Variants in LDB2 observed in about 807,000 individuals in gnomAD.
The protein encoded by LDB2 is LIM domain-binding protein 2.
LDB2 carries 12 observed loss-of-function variants against 44.3 expected under a neutral mutation model. The observed-to-expected ratio is 0.27, with a 90% confidence interval of 0.17 to 0.44. The LOEUF (loss-of-function observed/expected upper bound fraction) is 0.44, where lower values mean the gene tolerates loss of function less well. LDB2 is among the 20% of genes least tolerant of loss of function. The probability of loss-of-function intolerance (pLI) is 1.00; values close to 1 mark genes in which losing one functional copy is unlikely to be tolerated. For synonymous variants in LDB2, 164 were observed against 174.8 expected (o/e 0.94, Z 0.49); for missense variants, 344 against 473.5 (o/e 0.73, Z 2.54).
chr4:16,634,405 G>GCTAATAT (rs1187366234), intron 2 of LDB2, among the ~76,000 whole-genome samples: 1 of 151,354 alleles, frequency 6.6e-6, no homozygotes, highest in Non-Finnish European at 1.5e-5. Flanking sequence ...CTGACAGAGG[G>GCTAATAT]CTAATATCCA....
At chr4:16,655,076 C>A (rs1476273362) in intron 2 of LDB2, among the ~76,000 whole-genome samples, 1 of 152,082 alleles carries the variant, frequency 6.6e-6, no homozygotes, top group African/African-American at 2.4e-5. Flanking sequence ...AAATTGCACT[C>A]GGCAGGAAGA....
chr4:16,665,191 G>A (rs1278565576), intron 2 of LDB2, among the ~76,000 whole-genome samples: 2 of 152,060 alleles, frequency 1.3e-5, no homozygotes, highest in African/African-American at 2.4e-5. Flanking sequence ...CTGAGCCACA[G>A]AGGAGGGAAG....
intron 5 of LDB2, among the ~76,000 whole-genome samples, chr4:16,547,317 A>G (rs188279567): frequency 3.0e-4 from 46 of 152,248 alleles, no homozygotes; most frequent in African/African-American, 1.1e-3. Context: ...CCATTGTGAC[A>G]CCTTGACTTG....
intron 1 of LDB2, among the ~76,000 whole-genome samples, chr4:16,882,009 C>T (rs1212248370): frequency 6.6e-6 from 1 of 152,200 alleles, no homozygotes; most frequent in African/African-American, 2.4e-5. Context: ...CCACATAGCA[C>T]AAGCAATTTA....
intron 1 of LDB2, among the ~76,000 whole-genome samples, chr4:16,822,153 G>T (rs929697595): frequency 6.6e-6 from 1 of 151,626 alleles, no homozygotes; most frequent in African/African-American, 2.4e-5. Flanking sequence ...ATATATACTT[G>T]CCTATGTACA....
intron 2 of LDB2, among the ~76,000 whole-genome samples, chr4:16,641,977 A>G (rs916797886): frequency 6.6e-6 from 1 of 152,212 alleles, no homozygotes; most frequent in African/African-American, 2.4e-5. Flanking sequence ...ATGACTTAGT[A>G]TAAAGAAAAT....
intron 2 of LDB2, among the ~76,000 whole-genome samples, chr4:16,656,711 A>T (rs140047679): frequency 6.6e-6 from 1 of 152,342 alleles, no homozygotes; most frequent in Non-Finnish European, 1.5e-5. Context: ...TAAACACATC[A>T]TGCCAATGTA....
intron 2 of LDB2, among the ~76,000 whole-genome samples, chr4:16,659,779 CAG>C (rs1376265758): frequency 1.3e-5 from 2 of 151,174 alleles, no homozygotes; most frequent in Non-Finnish European, 1.5e-5. Context: ...ACAAAGAAAA[CAG>C]AATTATTTTA....
rs535160711 is a variant in LDB2, at chr4:16,810,110, A to C, written c.133-50850T>G. 2.0e-5 allele frequency among the ~76,000 whole-genome samples: 3 copies of C among 152,240 alleles called. No homozygotes were observed. In the South Asian group the frequency reaches 6.2e-4, roughly 32 times the overall value. Reference sequence around the variant, plus strand: ...TCATGGAGCAGCCTTGCAGGTAATCAGCTCTAGGCAGAGGGAAATGTGTGG... The same window carrying C: ...TCATGGAGCAGCCTTGCAGGTAATCCGCTCTAGGCAGAGGGAAATGTGTGG... On this transcript the variant is annotated intron_variant, in intron 1 of 7. Coordinates refer to ENST00000304523, the MANE Select transcript of LDB2 (RefSeq NM_001290.5).
At chr4:16,756,944 G>A (rs1766789390) in intron 2 of LDB2, among the ~76,000 whole-genome samples, 1 of 150,514 alleles carries the variant, frequency 6.6e-6, no homozygotes, top group Admixed American at 6.6e-5. Context: ...TTTCATATGT[G>A]TGTGATTGGG....
intron 5 of LDB2, among the ~76,000 whole-genome samples, chr4:16,534,773 A>G (rs1360513484): frequency 6.6e-6 from 1 of 152,186 alleles, no homozygotes; most frequent in Non-Finnish European, 1.5e-5. Context: ...ACAGATTCAG[A>G]TGAACTTCTG....
rs190722714 is a variant in LDB2 at position 16,861,114 on chromosome 4, G to A, written c.132+37240C>T. ...ATATATCAAATATGATCATTGGAAC[G>A]TTCATAAAAATGCTTATCCTACCAC... On this transcript the variant is annotated intron_variant, in intron 1 of 7. Coordinates refer to ENST00000304523, the MANE Select transcript of LDB2 (RefSeq NM_001290.5). Among the ~76,000 whole-genome samples, 15 of 152,216 alleles carry A rather than the reference G, an allele frequency of 9.9e-5. No homozygotes were observed. The East Asian group carries it at 1.4e-3, about 14-fold the overall frequency.
intron 5 of LDB2, among the ~76,000 whole-genome samples, chr4:16,574,635 G>T (rs1050803298): frequency 6.6e-6 from 1 of 152,164 alleles, no homozygotes; most frequent in Non-Finnish European, 1.5e-5. Context: ...GAGAACTGGG[G>T]TGCTGAGAAA....
chr4:16,519,027 C>T (rs1057158169), intron 5 of LDB2, among the ~76,000 whole-genome samples: 4 of 152,212 alleles, frequency 2.6e-5, no homozygotes, highest in Admixed American at 1.3e-4. Context: ...TAGCACTTAT[C>T]GTGAATCTTT....
intron 1 of LDB2, among the ~76,000 whole-genome samples, chr4:16,818,220 G>C (rs1224383014): frequency 6.6e-6 from 1 of 152,120 alleles, no homozygotes; most frequent in Non-Finnish European, 1.5e-5. Flanking sequence ...TAGCAGGGTG[G>C]TTACACTTCT....
intron 1 of LDB2, among the ~76,000 whole-genome samples, chr4:16,788,832 T>G (rs146302447): frequency 1.3e-5 from 2 of 152,324 alleles, no homozygotes; most frequent in African/African-American, 4.8e-5. Flanking sequence ...CTTATACTCC[T>G]GGAAGCAAAA....
intron 2 of LDB2, among the ~76,000 whole-genome samples, chr4:16,659,015 T>C (rs1427848408): frequency 1.3e-5 from 2 of 152,160 alleles, no homozygotes; most frequent in Non-Finnish European, 2.9e-5. Context: ...ACAAACAAAA[T>C]TTCTTTACTG....
chr4:16,783,461 C>T (rs957847383), intron 1 of LDB2, among the ~76,000 whole-genome samples: 8 of 152,256 alleles, frequency 5.3e-5, no homozygotes. Context: ...TGGCCACCCA[C>T]GGAGGTTGTC....
At chr4:16,605,155 C>T (rs138700316) in intron 2 of LDB2, among the ~76,000 whole-genome samples, 3 of 151,974 alleles carry the variant, frequency 2.0e-5, no homozygotes, top group East Asian at 1.9e-4. Context: ...AGGATGATCC[C>T]GGTTATGGTA....
Sources: gnomAD v4.1 joint callset for allele counts (sites outside exome capture counted in the v4.1 genomes callset) on GRCh38, gnomAD v4.1.1 for gene constraint, MANE v1.5 for transcripts, NCBI Gene and HGNC (gene_info 2026-07-23, HGNC 2026-07-21) for gene names.